The following TENM4 variants were observed in gnomAD, a reference collection of about 807,000 sequenced individuals.
TENM4 encodes teneurin transmembrane protein 4.
A neutral mutation model predicts 243.3 loss-of-function variants in TENM4; 82 were observed. That is an observed-to-expected ratio of 0.34 (90% CI 0.28 to 0.40). The LOEUF is 0.40. Among genes scored for constraint, TENM4 ranks in the 10% least tolerant of loss-of-function variants. TENM4 has a pLI of 1.00. For synonymous variants in TENM4, 1,412 were observed against 1,456.3 expected (o/e 0.97, Z 0.69); for missense variants, 3,138 against 3,673.3 (o/e 0.85, Z 3.77).
chr11:78,960,663 G>GT (rs1216675197), intron 6 of TENM4, among the ~76,000 whole-genome samples: 4 of 152,156 alleles, frequency 2.6e-5, no homozygotes, highest in African/African-American at 9.7e-5. Flanking sequence ...TTCAAGTCCT[G>GT]TAAGTGCCTC....
intron 6 of TENM4, 52 bp from the exon 7 acceptor site, chr11:78,903,575 G>T (rs571278924): frequency 4.2e-5 from 64 of 1,537,810 alleles, no homozygotes; most frequent in Non-Finnish European, 5.0e-5. Context: ...CTGCCCCTCG[G>T]CTGGAAAAGC....
intron 4 of TENM4, among the ~76,000 whole-genome samples, chr11:79,094,426 G>C (rs1014266933): frequency 6.6e-6 from 1 of 152,150 alleles, no homozygotes; most frequent in Non-Finnish European, 1.5e-5. Context: ...GAAACAGTAG[G>C]GCTGGGATAT....
intron 1 of TENM4, among the ~76,000 whole-genome samples, chr11:79,326,847 C>A (rs577693744): frequency 6.6e-6 from 1 of 152,228 alleles, no homozygotes; most frequent in African/African-American, 2.4e-5. Context: ...TGTCTCCACA[C>A]TCCAGTGCCA....
At chr11:78,888,449 T>C (rs78852774) in intron 9 of TENM4, among the ~76,000 whole-genome samples, 3,495 of 152,316 alleles carry the variant, frequency 0.023, 133 homozygotes, top group African/African-American at 0.08. Context: ...CAGCTTGAGA[T>C]ATTGAAGGGG....
chr11:79,394,142 A>T (rs1858293138), intron 1 of TENM4, among the ~76,000 whole-genome samples: 1 of 152,224 alleles, frequency 6.6e-6, no homozygotes, highest in Non-Finnish European at 1.5e-5. Flanking sequence ...AATTTGGCTT[A>T]CACTCTCTGA....
chr11:79,022,882 T>C lies in TENM4; in HGVS notation c.493+41856A>G, dbSNP rs571347580. ...CACATAAATGTGCCACTCACTATGT[T>C]GGCTACTCTATAGACATTATCTCTA... is the stretch of plus-strand genomic sequence containing the variant. On this transcript the variant is annotated intron_variant, in intron 6 of 33. Coordinates refer to ENST00000278550, the MANE Select transcript of TENM4 (RefSeq NM_001098816.3). Among the ~76,000 whole-genome samples the C allele has an allele frequency of 1.2e-4, 19 of 152,320 alleles. 1 individual carries two copies. In the East Asian group the frequency reaches 3.5e-3, roughly 28 times the overall value.
intron 1 of TENM4, among the ~76,000 whole-genome samples, chr11:79,413,706 G>T (rs1858751157): frequency 6.6e-6 from 1 of 152,030 alleles, no homozygotes; most frequent in African/African-American, 2.4e-5. Context: ...AAACATTTTT[G>T]AACAATTGGG....
intron 6 of TENM4, among the ~76,000 whole-genome samples, chr11:78,917,402 T>C (rs375186001): frequency 2.0e-5 from 3 of 152,330 alleles, no homozygotes; most frequent in South Asian, 4.1e-4. Context: ...AAGGCCTCAC[T>C]TGGGGGAAAA....
intron 9 of TENM4, among the ~76,000 whole-genome samples, chr11:78,865,673 G>A (rs1006331269): frequency 6.6e-6 from 1 of 152,158 alleles, no homozygotes; most frequent in African/African-American, 2.4e-5. Flanking sequence ...TTGACTTCTA[G>A]TCTGAACACA....
At chr11:79,147,020 T>A (rs1449382019) in intron 4 of TENM4, among the ~76,000 whole-genome samples, 2 of 152,070 alleles carry the variant, frequency 1.3e-5, no homozygotes, top group African/African-American at 4.8e-5. Context: ...GACGTGTGTA[T>A]ACAGATATGT....
chr11:79,180,202 A>T (rs1863254080), intron 3 of TENM4, among the ~76,000 whole-genome samples: 1 of 151,674 alleles, frequency 6.6e-6, no homozygotes, highest in Admixed American at 6.6e-5. Flanking sequence ...AAAAAAACCC[A>T]AGGTGAGAGC....
At chr11:78,723,285 C>T (rs1207334819) in intron 23 of TENM4, among the ~76,000 whole-genome samples, 1 of 152,260 alleles carries the variant, frequency 6.6e-6, no homozygotes, top group East Asian at 1.9e-4. Context: ...GTCCATATCT[C>T]ATGTACCCAG....
At position 79,295,166 on chromosome 11, in the gene TENM4, C is replaced by T. The variant is rs374057365; in HGVS notation, c.-265+2322G>A. Among the ~76,000 whole-genome samples, 148 of 152,256 alleles carry T rather than the reference C, an allele frequency of 9.7e-4. 4 individuals carry two copies. In the South Asian group the frequency reaches 0.029, roughly 30 times the overall value. ...ACGCACAAACCCAGTCCTGTTTAGG[C>T]GAATGAACATTCTTGTAGCAGGGCT... On this transcript the variant is annotated intron_variant, in intron 2 of 33. Coordinates refer to ENST00000278550, the MANE Select transcript of TENM4 (RefSeq NM_001098816.3).
chr11:78,704,157 G>GTGTGTATATATATATATATA (rs1201390547), intron 27 of TENM4, among the ~76,000 whole-genome samples: 1 of 70,536 alleles, frequency 1.4e-5, no homozygotes, highest in African/African-American at 6.0e-5. Context: ...ATGTATGTGT[G>GTGTGTATATATATATATATA]TCTATATATA....
At chr11:78,724,596 TCTTATATACA>T (rs1322811241) in intron 23 of TENM4, among the ~76,000 whole-genome samples, 1 of 152,192 alleles carries the variant, frequency 6.6e-6, no homozygotes, top group Non-Finnish European at 1.5e-5. Flanking sequence ...TGTTCCAAGT[TCTTATATACA>T]CATGGTATGT....
intron 1 of TENM4, among the ~76,000 whole-genome samples, chr11:79,408,411 G>A (rs976558043): frequency 6.6e-6 from 1 of 152,204 alleles, no homozygotes; most frequent in Non-Finnish European, 1.5e-5. Context: ...GACTTGGGTC[G>A]GAACCTTGAT....
intron 4 of TENM4, among the ~76,000 whole-genome samples, chr11:79,139,776 T>TAA (rs374755467): frequency 0.083 from 435 of 5,232 alleles, 96 homozygotes; most frequent in South Asian, 0.35. Context: ...TATAAATATA[T>TAA]AATATATATT....
intron 31 of TENM4, 126 bp downstream of exon 31, chr11:78,671,907 T>G: frequency 2.3e-6 from 3 of 1,278,418 alleles, no homozygotes; most frequent in South Asian, 1.5e-5. Flanking sequence ...TGGCAGACTT[T>G]CCTGAACATT....
intron 1 of TENM4, among the ~76,000 whole-genome samples, chr11:79,337,974 G>A (rs962045455): frequency 5.9e-5 from 9 of 152,208 alleles, no homozygotes; most frequent in African/African-American, 2.2e-4. Flanking sequence ...GAGACTGTGA[G>A]AAGTTGTATG....
Sources: allele counts gnomAD v4.1 joint callset (sites outside exome capture counted in the v4.1 genomes callset), GRCh38; gene constraint gnomAD v4.1.1; transcripts MANE v1.5; gene names NCBI Gene and HGNC (gene_info 2026-07-23, HGNC 2026-07-21).